LRRC4C: variants seen among roughly 807,000 people sequenced by gnomAD.
LRRC4C encodes leucine-rich repeat-containing protein 4C.
LRRC4C carries 5 observed loss-of-function variants against 33.6 expected under a neutral mutation model. The observed-to-expected ratio is 0.15, with a 90% CI of 0.08 to 0.31. LRRC4C has a LOEUF of 0.31. Ranked by LOEUF, LRRC4C falls within the 10% of genes least tolerant of loss-of-function variation. The pLI is 1.00. For synonymous variants in LRRC4C, 329 were observed against 302.0 expected (o/e 1.09, Z -0.93); for missense variants, 560 against 796.7 (o/e 0.70, Z 3.58).
At chr11:40,197,526 G>T (rs984590094) in intron 5 of LRRC4C, among the ~76,000 whole-genome samples, 1 of 152,162 alleles carries the variant, frequency 6.6e-6, no homozygotes, top group Non-Finnish European at 1.5e-5. Flanking sequence ...AGGACTTTCC[G>T]TAGAATAAGT....
intron 3 of LRRC4C, among the ~76,000 whole-genome samples, chr11:40,627,214 T>G (rs1267633085): frequency 6.6e-6 from 1 of 150,982 alleles, no homozygotes; most frequent in Non-Finnish European, 1.5e-5. Flanking sequence ...TATGACTACC[T>G]ACCAATATTT....
chr11:40,776,172 T>C (rs1949985139), intron 2 of LRRC4C, among the ~76,000 whole-genome samples: 1 of 152,164 alleles, frequency 6.6e-6, no homozygotes, highest in African/African-American at 2.4e-5. Context: ...TGATTTCAGT[T>C]TGCTAAGAGC....
In LRRC4C at chr11:40,610,877, C is replaced by T. The variant is rs973849634; in HGVS notation, c.-270+37265G>A. 2.0e-5 allele frequency among the ~76,000 whole-genome samples: 3 copies of T among 151,852 alleles called. No homozygotes were observed. The South Asian group carries it at 6.2e-4, about 32-fold the overall frequency. ...TATTACTGAAAGGAATTAAAGAAGACATAAATAAATGGAAAGACATACTGT... is the reference window on the plus strand; with the variant it reads ...TATTACTGAAAGGAATTAAAGAAGATATAAATAAATGGAAAGACATACTGT... On this transcript the variant is annotated intron_variant, in intron 3 of 6. Transcript: ENST00000528697.
intron 1 of LRRC4C, among the ~76,000 whole-genome samples, chr11:41,212,585 C>T (rs367571749): frequency 1.3e-5 from 2 of 152,156 alleles, no homozygotes; most frequent in African/African-American, 4.8e-5. Context: ...CTTCTTCCCA[C>T]CCCTCCCCTC....
chr11:40,984,634 G>T (rs944313594), intron 1 of LRRC4C, among the ~76,000 whole-genome samples: 4 of 152,028 alleles, frequency 2.6e-5, no homozygotes, highest in Non-Finnish European at 4.4e-5. Flanking sequence ...ATATAGCAAA[G>T]AATTTACATC....
chr11:41,133,478 C>G (rs1177117101), intron 1 of LRRC4C, among the ~76,000 whole-genome samples: 1 of 142,658 alleles, frequency 7.0e-6, no homozygotes, highest in East Asian at 2.0e-4. Flanking sequence ...AATCCTAATC[C>G]CCCCCCCGCC....
intron 2 of LRRC4C, among the ~76,000 whole-genome samples, chr11:40,744,184 T>C (rs1948302882): frequency 1.3e-5 from 2 of 152,070 alleles, no homozygotes; most frequent in African/African-American, 4.8e-5. Context: ...TGATGGGAGA[T>C]AGATGACACA....
At chr11:41,301,875 G>C (rs1464695346) in intron 1 of LRRC4C, among the ~76,000 whole-genome samples, 1 of 152,100 alleles carries the variant, frequency 6.6e-6, no homozygotes, top group Non-Finnish European at 1.5e-5. Context: ...ATTCACCATT[G>C]TTGATATCTT....
chr11:40,179,636 C>A (rs1393971658), intron 5 of LRRC4C, among the ~76,000 whole-genome samples: 1 of 152,068 alleles, frequency 6.6e-6, no homozygotes, highest in East Asian at 1.9e-4. Context: ...GCCATAGGCA[C>A]AGAGATCAGG....
intron 3 of LRRC4C, among the ~76,000 whole-genome samples, chr11:40,419,116 A>G (rs1267009482): frequency 6.6e-6 from 1 of 152,124 alleles, no homozygotes; most frequent in Non-Finnish European, 1.5e-5. Flanking sequence ...CTGCACTTGT[A>G]CCCTGGAACT....
At chr11:40,475,088 A>T (rs1953141591) in intron 3 of LRRC4C, among the ~76,000 whole-genome samples, 1 of 152,156 alleles carries the variant, frequency 6.6e-6, no homozygotes, top group South Asian at 2.1e-4. Context: ...TTGATCCAGC[A>T]ATCCCTTTAC....
intron 1 of LRRC4C, among the ~76,000 whole-genome samples, chr11:41,206,375 G>A (rs1446941484): frequency 6.6e-6 from 1 of 152,098 alleles, no homozygotes; most frequent in Non-Finnish European, 1.5e-5. Context: ...ATGTTGGGTT[G>A]CGGAGTTCTA....
chr11:40,127,958 C>G (rs758836177), intron 6 of LRRC4C, among the ~76,000 whole-genome samples: 2 of 152,144 alleles, frequency 1.3e-5, no homozygotes, highest in Non-Finnish European at 2.9e-5. Context: ...CTACTAAACA[C>G]ACATTTAGTT....
At chr11:40,414,209 G>C (rs61888685) in intron 3 of LRRC4C, among the ~76,000 whole-genome samples, 1 of 152,002 alleles carries the variant, frequency 6.6e-6, no homozygotes, top group Non-Finnish European at 1.5e-5. Context: ...TTAAAATCGT[G>C]TTGTAAAAGA....
At chr11:41,211,704 C>A (rs1336556396) in intron 1 of LRRC4C, among the ~76,000 whole-genome samples, 1 of 152,094 alleles carries the variant, frequency 6.6e-6, no homozygotes, top group African/African-American at 2.4e-5. Context: ...TGTATATGTG[C>A]CACATTTTCT....
intron 2 of LRRC4C, among the ~76,000 whole-genome samples, chr11:40,663,951 C>T (rs574604865): frequency 6.6e-6 from 1 of 152,224 alleles, no homozygotes; most frequent in African/African-American, 2.4e-5. Flanking sequence ...AAAATTAAAG[C>T]TAGTTCCAAT....
intron 4 of LRRC4C, among the ~76,000 whole-genome samples, chr11:40,282,644 A>C (rs1337578616): frequency 2.6e-5 from 4 of 152,206 alleles, no homozygotes; most frequent in African/African-American, 9.7e-5. Context: ...ATGTAAAAAC[A>C]CAAATACTCC....
At chr11:40,816,854 T>C (rs1481119830) in intron 2 of LRRC4C, among the ~76,000 whole-genome samples, 1 of 152,152 alleles carries the variant, frequency 6.6e-6, no homozygotes, top group Non-Finnish European at 1.5e-5. Flanking sequence ...GCAAAAGATA[T>C]TATATTCAGG....
At chr11:40,400,392 T>A (rs901376395) in intron 3 of LRRC4C, among the ~76,000 whole-genome samples, 2 of 152,158 alleles carry the variant, frequency 1.3e-5, no homozygotes, top group African/African-American at 4.8e-5. Flanking sequence ...TTCATCATTT[T>A]AAAATTACAA....
Sources: gnomAD v4.1 joint callset for allele counts (sites outside exome capture counted in the v4.1 genomes callset) on GRCh38, gnomAD v4.1.1 for gene constraint, MANE v1.5 for transcripts, NCBI Gene and HGNC (gene_info 2026-07-23, HGNC 2026-07-21) for gene names.